PTPN7: variants seen among roughly 807,000 people sequenced by gnomAD.
PTPN7 encodes tyrosine-protein phosphatase non-receptor type 7.
Under a neutral mutation model 50.3 loss-of-function variants are expected in PTPN7, and 33 were observed. The ratio of observed to expected loss-of-function variants is 0.66; its 90% confidence interval spans 0.50 to 0.88. The LOEUF is 0.88. Among genes scored for constraint, PTPN7 ranks in the 40% least tolerant of loss-of-function variants. PTPN7 has a pLI of 0.00. For synonymous variants in PTPN7, 185 were observed against 186.6 expected, an observed-to-expected ratio of 0.99 and a Z score of 0.07; for missense variants, 412 against 475.4, an observed-to-expected ratio of 0.87 and a Z score of 1.24.
chr1:202,150,004 G>A (rs969836373), intron 9 of PTPN7: 2 of 211,976 alleles, frequency 9.4e-6, no homozygotes, highest in Admixed American at 4.8e-5. Context: ...GCTAATTTTT[G>A]TATTTTTAGT....
chr1:202,161,267 G>T (rs1408704460), upstream of PTPN7: 12 of 1,145,330 alleles, frequency 1.0e-5, no homozygotes, highest in South Asian at 1.9e-5. Context: ...GTGTAGGCCA[G>T]CCCAGCAGGA....
At position 202,159,490 on chromosome 1, in the gene PTPN7, C is replaced by T. The variant is rs199712697; in HGVS notation, c.-52-36G>A. ...GGGCCCTCCGCTGCTGTTCTCTGGC[C>T]TGCCTGATTGGCCAGAAGGAGGCTC... On this transcript the variant is annotated intron_variant, in intron 1 of 9. Coordinates refer to ENST00000691036, the MANE Select transcript of PTPN7 (RefSeq NM_002832.4). This position sits in a 1 kb window ranked among gnomAD's most constrained non-coding sequence, Gnocchi z 4.6. 1 of 1,592,312 alleles carries T rather than the reference C, an allele frequency of 6.3e-7. No homozygotes were observed. Among genetic ancestry groups the T allele is most frequent in the East Asian group, 2.3e-5 (1 of 44,316 alleles).
intron 7 of PTPN7, 37 bp from the exon 8 acceptor site, chr1:202,152,736 G>A (rs770497517): frequency 1.7e-5 from 28 of 1,606,540 alleles, no homozygotes; most frequent in Non-Finnish European, 2.4e-5. Flanking sequence ...CAAGGTCAGG[G>A]TGGAGGGCAC....
At position 202,148,660 on chromosome 1, in the gene PTPN7, CA is replaced by C; in HGVS notation, c.1028del (p.Leu343ArgfsTer61). 6.2e-7 allele frequency: 1 copy of C among 1,613,938 alleles called. No homozygotes were observed. The highest frequency in any genetic ancestry group is 8.5e-7 in the Non-Finnish European group (1 of 1,179,942). On this transcript the variant is annotated frameshift_variant, in exon 10 of 10. Coordinates refer to ENST00000691036, the MANE Select transcript of PTPN7 (RefSeq NM_002832.4). LOFTEE classifies it high-confidence loss of function. ...CTGCATACAGGGCCAAAGTGTGGTG[CA>C]GGAACTGGTACTGCTCTGCCGTCTG... ...MIQTAEQYQF[L>X]HHTLALYAGQ...
chr1:202,148,469 G>T lies in PTPN7; in HGVS notation c.*137C>A. ...CTTACTGCTGCTGCTTCCTGTGACT[G>T]CAAGCACCACTAAGGAGGCACTCCT... On this transcript the variant is annotated 3_prime_UTR_variant, in exon 10 of 10. Coordinates refer to ENST00000691036, the MANE Select transcript of PTPN7 (RefSeq NM_002832.4). The T allele has an allele frequency of 1.5e-6, 1 of 652,242 alleles. No homozygotes were observed. Among genetic ancestry groups the T allele is most frequent in the Non-Finnish European group, 2.6e-6 (1 of 390,928 alleles). The allele number at this position is 652,242 out of a possible 1,614,324, so 40.4% of individuals were successfully genotyped here. A position where few individuals can be genotyped will look rare whatever the true frequency, so the allele number is the denominator to read the frequency against.
chr1:202,153,706 G>C lies in PTPN7; in HGVS notation c.717+19C>G. On this transcript the variant is annotated intron_variant, in intron 7 of 9. Transcript: ENST00000691036. ...GGCGGCCCAACTTCCCACTGGGCCT[G>C]GCTCCGGGGGGGTGGTACCTGGATG... 1 of 1,602,232 alleles carries C rather than the reference G, an allele frequency of 6.2e-7. No individual in the cohort carries two copies. The highest frequency in any genetic ancestry group is 1.1e-5 in the South Asian group (1 of 90,794).
At chr1:202,156,847 G>A (rs961233049) in intron 4 of PTPN7, among the ~76,000 whole-genome samples, 5 of 152,144 alleles carry the variant, frequency 3.3e-5, no homozygotes, top group Admixed American at 6.5e-5. Flanking sequence ...GAGAGGCTCC[G>A]GGGCCTCATG....
upstream of PTPN7, chr1:202,161,581 T>C (rs968483900): frequency 3.4e-5 from 43 of 1,268,354 alleles, no homozygotes; most frequent in Non-Finnish European, 4.4e-5. Context: ...CGCCTCCTTT[T>C]ACCTTGTAAC....
At chr1:202,154,706 C>T (rs772481838) in intron 5 of PTPN7, among the ~76,000 whole-genome samples, 44 of 152,318 alleles carry the variant, frequency 2.9e-4, no homozygotes, top group Admixed American at 1.5e-3. Context: ...CCCTTCCTCC[C>T]CTGCTGCTTT....
intron 4 of PTPN7, among the ~76,000 whole-genome samples, chr1:202,157,307 C>T (rs1571757865): frequency 6.6e-6 from 1 of 152,210 alleles, no homozygotes; most frequent in Middle Eastern, 3.4e-3. Flanking sequence ...GTCGGGAGTT[C>T]GAGACCAGCC....
At chr1:202,153,906 G>A (rs1656339219) in intron 6 of PTPN7, 71 bp from the exon 7 acceptor site, 1 of 1,284,814 alleles carries the variant, frequency 7.8e-7, no homozygotes, top group African/African-American at 1.5e-5. Context: ...GAGAGGGGCT[G>A]GTATCTCCTC....
chr1:202,150,250 G>T, intron 9 of PTPN7, 61 bp downstream of exon 9: 1 of 1,322,308 alleles, frequency 7.6e-7, no homozygotes, highest in Non-Finnish European at 1.1e-6. Flanking sequence ...GAACTCTGGG[G>T]CCCAGAGGCA....
rs1655507582 is a variant in PTPN7, at chr1:202,147,943, T to A, written c.*663A>T. 1 of 152,374 alleles carries A rather than the reference T, an allele frequency of 6.6e-6. No homozygotes were observed. The highest frequency in any genetic ancestry group is 1.9e-4 in the East Asian group (1 of 5,186). 9.4% of individuals were successfully genotyped at this position (152,374 alleles called of 1,614,324 possible). On this transcript the variant is annotated 3_prime_UTR_variant, in exon 10 of 10. Transcript: ENST00000691036. ...CCTGGTCACCTCTGTAGCCTACTCT[T>A]ATGACACATGGGTGGAGGCAAGGGT...
chr1:202,151,075 C>T (rs1250055824), intron 8 of PTPN7, among the ~76,000 whole-genome samples: 1 of 152,140 alleles, frequency 6.6e-6, no homozygotes, highest in Non-Finnish European at 1.5e-5. Flanking sequence ...CCCAAATGGT[C>T]CCTTTCTTTA....
chr1:202,156,139 A>G (rs1323722125), intron 4 of PTPN7, among the ~76,000 whole-genome samples: 1 of 152,200 alleles, frequency 6.6e-6, no homozygotes, highest in Non-Finnish European at 1.5e-5. Flanking sequence ...GGAGAGTGAC[A>G]TGATCAAAAC....
intron 7 of PTPN7, 81 bp downstream of exon 7, chr1:202,153,644 C>T: frequency 8.7e-7 from 1 of 1,150,200 alleles, no homozygotes; most frequent in South Asian, 1.3e-5. Context: ...CCCTTGGCTC[C>T]TAGTGAAGAG....
intron 5 of PTPN7, among the ~76,000 whole-genome samples, chr1:202,155,050 C>T (rs754680137): frequency 6.6e-6 from 1 of 152,186 alleles, no homozygotes; most frequent in Admixed American, 6.5e-5. Flanking sequence ...CCCACAGCAG[C>T]GAGAAGCTGG....
At chr1:202,158,029 T>C in intron 3 of PTPN7, 89 bp downstream of exon 3, 2 of 1,452,990 alleles carry the variant, frequency 1.4e-6, no homozygotes, top group Non-Finnish European at 1.9e-6. Context: ...AAGGGGAGAC[T>C]TGCCCAGGGT....
chr1:202,161,111 G>C (rs1657332766), upstream of PTPN7: 1 of 1,285,856 alleles, frequency 7.8e-7, no homozygotes. Context: ...CATCTTCCCA[G>C]AGCAGATGTG....
Sources: gnomAD v4.1 joint callset for allele counts (sites outside exome capture counted in the v4.1 genomes callset) on GRCh38, gnomAD v4.1.1 for gene constraint, Gnocchi (gnomAD v3.1) non-coding constraint, MANE v1.5 for transcripts, NCBI Gene and HGNC (gene_info 2026-07-23, HGNC 2026-07-21) for gene names.